Variants in CNTNAP2 observed in about 807,000 individuals in gnomAD.
CNTNAP2 encodes the protein contactin associated protein 2.
A neutral mutation model predicts 155.2 loss-of-function variants in CNTNAP2; 98 were observed. The observed-to-expected ratio is 0.63, with a 90% CI of 0.54 to 0.75. The LOEUF is 0.75. CNTNAP2 is among the 30% of genes least tolerant of loss of function. The pLI is 0.00. For missense variants in CNTNAP2, 1,727 were observed against 1,688.1 expected, an observed-to-expected ratio of 1.02 and a Z score of -0.40; for synonymous variants, 651 against 631.2, an observed-to-expected ratio of 1.03 and a Z score of -0.47.
chr7:146,265,830 T>C (rs1298145688), intron 1 of CNTNAP2, among the ~76,000 whole-genome samples: 1 of 152,184 alleles, frequency 6.6e-6, no homozygotes, highest in East Asian at 1.9e-4. Context: ...TTCTGCATTA[T>C]TATGTTGTTG....
At chr7:147,998,610 C>T (rs1453046450) in intron 15 of CNTNAP2, among the ~76,000 whole-genome samples, 2 of 152,106 alleles carry the variant, frequency 1.3e-5, no homozygotes, top group South Asian at 2.1e-4. Context: ...GACCATTTTC[C>T]GTGGGGATTG....
At chr7:147,207,635 G>A (rs756015370) in intron 8 of CNTNAP2, among the ~76,000 whole-genome samples, 36 of 152,088 alleles carry the variant, frequency 2.4e-4, no homozygotes, top group Middle Eastern at 3.4e-3. Flanking sequence ...GGTATATGTA[G>A]AATACCTGGA....
chr7:147,148,720 T>A (rs1323561511), intron 8 of CNTNAP2, among the ~76,000 whole-genome samples: 1 of 152,236 alleles, frequency 6.6e-6, no homozygotes, highest in East Asian at 1.9e-4. Context: ...ACAGTGAGTG[T>A]TACAGCTGTT....
intron 13 of CNTNAP2, among the ~76,000 whole-genome samples, chr7:147,707,655 T>C (rs1234133701): frequency 6.6e-6 from 1 of 152,164 alleles, no homozygotes; most frequent in Non-Finnish European, 1.5e-5. Context: ...GTAGTGGCAA[T>C]GGTGGGCCAG....
intron 13 of CNTNAP2, among the ~76,000 whole-genome samples, chr7:147,726,233 G>A (rs1796640021): frequency 6.6e-6 from 1 of 151,920 alleles, no homozygotes; most frequent in Admixed American, 6.6e-5. Context: ...AAAATTTATT[G>A]AGAGAGATCT....
intron 13 of CNTNAP2, among the ~76,000 whole-genome samples, chr7:147,680,509 C>A (rs1795932294): frequency 6.6e-6 from 1 of 151,788 alleles, no homozygotes; most frequent in Non-Finnish European, 1.5e-5. Flanking sequence ...TATTGGGGCC[C>A]CGGCTGTTTC....
chr7:148,261,018 G>A (rs775589685), intron 20 of CNTNAP2, among the ~76,000 whole-genome samples: 2 of 152,154 alleles, frequency 1.3e-5, no homozygotes, highest in African/African-American at 2.4e-5. Context: ...TGTTTGTACC[G>A]ATTTCCCTCG....
Position 146,742,752 on chromosome 7 carries a change from A to C in CNTNAP2, c.98-31519A>C, listed in dbSNP as rs554238633. Among the ~76,000 whole-genome samples the C allele has an allele frequency of 2.0e-5, 3 of 152,294 alleles. No homozygotes were observed. The South Asian group carries it at 6.2e-4, about 32-fold the overall frequency. On this transcript the variant is annotated intron_variant, in intron 1 of 23. Transcript: ENST00000361727. ...AATGTCAAAGATGACTGATATACAC[A>C]GTTTAAACGATTAGTACTGTAATAG...
chr7:147,736,757 T>A (rs534651188), intron 13 of CNTNAP2, among the ~76,000 whole-genome samples: 1 of 152,350 alleles, frequency 6.6e-6, no homozygotes, highest in African/African-American at 2.4e-5. Flanking sequence ...CTCTTCTTGC[T>A]TCATTTCATT....
Position 147,870,712 on chromosome 7 carries a change from A to G in CNTNAP2, c.2099-32853A>G, listed in dbSNP as rs1178828647. On this transcript the variant is annotated intron_variant, in intron 13 of 23. Transcript: ENST00000361727. ...GTCTGCTTCTGCTTATATCAGAGAT[A>G]GAACATCCAAGGCCAACAATACACT... Among the ~76,000 whole-genome samples, 4 of 152,204 alleles carry G rather than the reference A, an allele frequency of 2.6e-5. No homozygotes were observed. In the South Asian group the frequency reaches 8.3e-4, roughly 32 times the overall value.
At chr7:148,209,807 A>G (rs1259469079) in intron 18 of CNTNAP2, among the ~76,000 whole-genome samples, 1 of 152,222 alleles carries the variant, frequency 6.6e-6, no homozygotes, top group Non-Finnish European at 1.5e-5. Flanking sequence ...CAAAATCCTC[A>G]GAATACCACG....
intron 1 of CNTNAP2, among the ~76,000 whole-genome samples, chr7:146,125,792 C>T (rs530837479): frequency 5.9e-5 from 9 of 152,004 alleles, no homozygotes; most frequent in African/African-American, 1.9e-4. Context: ...GATGCTTGAT[C>T]AAAGAAGATG....
chr7:147,132,777 A>G (rs1400692714), intron 8 of CNTNAP2, among the ~76,000 whole-genome samples: 2 of 152,148 alleles, frequency 1.3e-5, no homozygotes, highest in Admixed American at 1.3e-4. Flanking sequence ...TATTTTTAAT[A>G]GATAAATTGC....
chr7:146,270,263 A>G (rs1445077937), intron 1 of CNTNAP2, among the ~76,000 whole-genome samples: 2 of 152,202 alleles, frequency 1.3e-5, no homozygotes, highest in Admixed American at 6.5e-5. Context: ...GACCCTCCAT[A>G]TTCAACCATT....
chr7:146,883,709 G>T (rs149283438), intron 3 of CNTNAP2, among the ~76,000 whole-genome samples: 1,946 of 152,148 alleles, frequency 0.013, 22 homozygotes, highest in South Asian at 0.032. Flanking sequence ...AAAGAGTTAA[G>T]AACATCAGGA....
chr7:147,878,643 A>G (rs531945484), intron 13 of CNTNAP2, among the ~76,000 whole-genome samples: 52 of 152,092 alleles, frequency 3.4e-4, no homozygotes, highest in Non-Finnish European at 6.6e-4. Context: ...GTTACTCCCT[A>G]ATCTTTCTTT....
intron 3 of CNTNAP2, among the ~76,000 whole-genome samples, chr7:146,902,274 A>G (rs1022397045): frequency 1.3e-5 from 2 of 152,000 alleles, no homozygotes; most frequent in Non-Finnish European, 2.9e-5. Flanking sequence ...TGCTCTCCTG[A>G]ACTACTCATA....
chr7:146,767,042 TC>T (rs1376982364), intron 1 of CNTNAP2, among the ~76,000 whole-genome samples: 1 of 152,202 alleles, frequency 6.6e-6, no homozygotes, highest in Non-Finnish European at 1.5e-5. Flanking sequence ...TTGATTTCAT[TC>T]CAATTCCATT....
intron 1 of CNTNAP2, among the ~76,000 whole-genome samples, chr7:146,709,778 T>C (rs2129174844): frequency 6.6e-6 from 1 of 152,172 alleles, no homozygotes; most frequent in East Asian, 1.9e-4. Flanking sequence ...CTATGAACTC[T>C]GGGTGTGGGG....
Sources: allele counts gnomAD v4.1 joint callset (sites outside exome capture counted in the v4.1 genomes callset), GRCh38; gene constraint gnomAD v4.1.1; transcripts MANE v1.5; gene names NCBI Gene and HGNC (gene_info 2026-07-23, HGNC 2026-07-21).